Variants in GRID2 observed in about 807,000 individuals in gnomAD.
The protein encoded by GRID2 is glutamate ionotropic receptor delta type subunit 2.
In GRID2, 33 loss-of-function variants were observed where a neutral mutation model predicts 114.8. That is an observed-to-expected ratio of 0.29 (90% CI 0.22 to 0.38). GRID2 has a LOEUF of 0.38. GRID2 is among the 10% of genes least tolerant of loss of function. GRID2 has a pLI of 1.00. For missense variants in GRID2, 1,184 were observed against 1,257.7 expected, an observed-to-expected ratio of 0.94 and a Z score of 0.89; for synonymous variants, 505 against 449.9, an observed-to-expected ratio of 1.12 and a Z score of -1.55.
At chr4:92,666,498 A>G (rs1439870978) in intron 2 of GRID2, among the ~76,000 whole-genome samples, 2 of 151,302 alleles carry the variant, frequency 1.3e-5, no homozygotes, top group African/African-American at 4.8e-5. Flanking sequence ...TGAAAACTGT[A>G]TATTTTAATC....
chr4:93,147,738 T>G (rs1215296213), intron 4 of GRID2, among the ~76,000 whole-genome samples: 1 of 152,210 alleles, frequency 6.6e-6, no homozygotes, highest in Admixed American at 6.5e-5. Flanking sequence ...TTATTTCCAT[T>G]CTACTCCAGT....
intron 1 of GRID2, among the ~76,000 whole-genome samples, chr4:92,456,748 T>A (rs1462763831): frequency 1.3e-5 from 2 of 152,150 alleles, no homozygotes; most frequent in African/African-American, 2.4e-5. Flanking sequence ...CTACTGTATA[T>A]TAGTAGGGAA....
At chr4:93,532,177 G>A (rs1457989081) in intron 13 of GRID2, among the ~76,000 whole-genome samples, 1 of 152,104 alleles carries the variant, frequency 6.6e-6, no homozygotes, top group East Asian at 1.9e-4. Context: ...AAATGTAAAA[G>A]AATGGGATCA....
chr4:92,554,192 G>C (rs1726738362), intron 1 of GRID2, among the ~76,000 whole-genome samples: 1 of 152,194 alleles, frequency 6.6e-6, no homozygotes, highest in Admixed American at 6.5e-5. Context: ...TTAGAAAGAT[G>C]TCATGGTGTT....
chr4:92,866,165 G>A (rs778879781), intron 2 of GRID2, among the ~76,000 whole-genome samples: 1 of 152,136 alleles, frequency 6.6e-6, no homozygotes, highest in Non-Finnish European at 1.5e-5. Context: ...GGAATATTGT[G>A]AGGAAGTGTT....
chr4:92,422,603 C>T (rs1731958910), intron 1 of GRID2, among the ~76,000 whole-genome samples: 1 of 151,858 alleles, frequency 6.6e-6, no homozygotes, highest in Non-Finnish European at 1.5e-5. Flanking sequence ...GAGTCTGTTC[C>T]TGGGTGGGGG....
chr4:92,336,965 T>TG (rs1243056813), intron 1 of GRID2, among the ~76,000 whole-genome samples: 7 of 149,186 alleles, frequency 4.7e-5, no homozygotes, highest in Admixed American at 4.0e-4. Context: ...TTTTTTTTTT[T>TG]TTTTTTTTTT....
chr4:92,342,513 C>A (rs1375627317), intron 1 of GRID2, among the ~76,000 whole-genome samples: 1 of 152,130 alleles, frequency 6.6e-6, no homozygotes, highest in Non-Finnish European at 1.5e-5. Flanking sequence ...CATTTAGAAG[C>A]AACAGTCTTA....
At chr4:92,613,123 C>G (rs533595548) in intron 2 of GRID2, among the ~76,000 whole-genome samples, 8 of 151,314 alleles carry the variant, frequency 5.3e-5, no homozygotes, top group Non-Finnish European at 1.0e-4. Flanking sequence ...TTGAGGGTTT[C>G]TAATCATAAT....
At chr4:92,984,012 G>C (rs1037250114) in intron 2 of GRID2, among the ~76,000 whole-genome samples, 1 of 152,112 alleles carries the variant, frequency 6.6e-6, no homozygotes, top group African/African-American at 2.4e-5. Context: ...TAACCTCTTT[G>C]GCCCTCAGTG....
intron 1 of GRID2, among the ~76,000 whole-genome samples, chr4:92,515,689 A>G (rs997422182): frequency 9.9e-5 from 15 of 151,950 alleles, no homozygotes; most frequent in Non-Finnish European, 1.8e-4. Context: ...CACAAATGGT[A>G]CAGCTGCTAC....
intron 2 of GRID2, among the ~76,000 whole-genome samples, chr4:92,836,626 G>A (rs926273615): frequency 1.3e-5 from 2 of 152,088 alleles, no homozygotes; most frequent in Non-Finnish European, 2.9e-5. Flanking sequence ...AAAATGTAAG[G>A]AGGCAGAAAT....
At chr4:93,275,964 A>G (rs1300797090) in intron 8 of GRID2, among the ~76,000 whole-genome samples, 1 of 151,726 alleles carries the variant, frequency 6.6e-6, no homozygotes, top group Admixed American at 6.6e-5. Context: ...AGAGTTTTAT[A>G]TTTTTTGAAT....
At chr4:92,669,959 C>T (rs1732976933) in intron 2 of GRID2, among the ~76,000 whole-genome samples, 1 of 151,986 alleles carries the variant, frequency 6.6e-6, no homozygotes, top group Non-Finnish European at 1.5e-5. Context: ...TTGAGCTATT[C>T]CTCATTATGC....
intron 1 of GRID2, among the ~76,000 whole-genome samples, chr4:92,400,310 C>G (rs1730726074): frequency 6.6e-6 from 1 of 152,160 alleles, no homozygotes; most frequent in Non-Finnish European, 1.5e-5. Flanking sequence ...ATTCTTGTCT[C>G]TATGCATTTG....
intron 2 of GRID2, among the ~76,000 whole-genome samples, chr4:92,774,711 T>C (rs1220065782): frequency 6.7e-6 from 1 of 149,784 alleles, no homozygotes; most frequent in Non-Finnish European, 1.5e-5. Flanking sequence ...TCCTCCTGCC[T>C]CAGCCTCCTA....
At chr4:92,866,218 T>C (rs1289041237) in intron 2 of GRID2, among the ~76,000 whole-genome samples, 1 of 152,148 alleles carries the variant, frequency 6.6e-6, no homozygotes, top group Admixed American at 6.5e-5. Context: ...ATCACTCAAA[T>C]TGTTGATACA....
chr4:93,072,511 C>T (rs184125838), intron 2 of GRID2, among the ~76,000 whole-genome samples: 2 of 152,180 alleles, frequency 1.3e-5, no homozygotes, highest in Admixed American at 6.6e-5. Flanking sequence ...ACAGAGCTCT[C>T]CTGAGTGGAA....
intron 13 of GRID2, among the ~76,000 whole-genome samples, chr4:93,555,743 C>T (rs753271634): frequency 1.4e-4 from 21 of 152,184 alleles, no homozygotes; most frequent in Non-Finnish European, 2.5e-4. Flanking sequence ...CCCAGCACAG[C>T]GCTCGAGCTC....
Sources: gnomAD v4.1 joint callset for allele counts (sites outside exome capture counted in the v4.1 genomes callset) on GRCh38, gnomAD v4.1.1 for gene constraint, MANE v1.5 for transcripts, NCBI Gene and HGNC (gene_info 2026-07-23, HGNC 2026-07-21) for gene names.